The following ANO4 variants were observed in gnomAD, a reference collection of about 807,000 sequenced individuals.
The protein encoded by ANO4 is anoctamin 4, also known as anoctamin-4.
A neutral mutation model predicts 141.9 loss-of-function variants in ANO4; 69 were observed. The ratio of observed to expected loss-of-function variants is 0.49; its 90% CI spans 0.40 to 0.59. The LOEUF is 0.59. ANO4 is among the 20% of genes least tolerant of loss of function. ANO4 has a pLI of 0.00. For missense variants in ANO4, 894 were observed against 1,162.2 expected (o/e 0.77, Z 3.36); for synonymous variants, 350 against 394.3 (o/e 0.89, Z 1.33).
At chr12:100,727,745 C>G (rs1480441222) in intron 1 of ANO4, among the ~76,000 whole-genome samples, 1 of 151,500 alleles carries the variant, frequency 6.6e-6, no homozygotes, top group Non-Finnish European at 1.5e-5. Flanking sequence ...ATGACTTTCC[C>G]CCTCATTTAT....
intron 8 of ANO4, among the ~76,000 whole-genome samples, 184 bp downstream of exon 8, chr12:100,987,854 C>T (rs1341073275): frequency 2.0e-5 from 3 of 152,182 alleles, no homozygotes; most frequent in Non-Finnish European, 4.4e-5. Context: ...CTGTAACCAA[C>T]AATCCCTGCA....
intron 22 of ANO4, among the ~76,000 whole-genome samples, chr12:101,103,179 CATTTTATATATATATATATATATATAT>C (rs1377094180): frequency 1.4e-5 from 1 of 70,274 alleles, no homozygotes; most frequent in African/African-American, 6.8e-5. Flanking sequence ...CCTTTTTAGT[CATTTTATATATATATATATATATATAT>C]ATATATATAT....
intron 1 of ANO4, among the ~76,000 whole-genome samples, chr12:100,719,468 T>C (rs1182098804): frequency 1.3e-5 from 2 of 152,218 alleles, no homozygotes; most frequent in African/African-American, 4.8e-5. Flanking sequence ...TCCGCAAATC[T>C]TCTCTTTGAC....
At chr12:100,830,469 C>T (rs2036575794) in intron 1 of ANO4, among the ~76,000 whole-genome samples, 2 of 151,986 alleles carry the variant, frequency 1.3e-5, no homozygotes, top group South Asian at 2.1e-4. Flanking sequence ...CCAGTGTATT[C>T]GTTGAGTAAG....
chr12:100,724,475 C>T (rs2031016114), intron 1 of ANO4, among the ~76,000 whole-genome samples: 1 of 152,172 alleles, frequency 6.6e-6, no homozygotes, highest in Non-Finnish European at 1.5e-5. Flanking sequence ...ATTACTACTT[C>T]AACTAGTATC....
chr12:100,961,866 T>G (rs2043440409), intron 5 of ANO4, among the ~76,000 whole-genome samples: 1 of 152,188 alleles, frequency 6.6e-6, no homozygotes, highest in Non-Finnish European at 1.5e-5. Context: ...ATTTGGGGGT[T>G]ATTAGTTGCT....
intron 9 of ANO4, among the ~76,000 whole-genome samples, chr12:101,033,133 A>G (rs930475075): frequency 4.6e-5 from 7 of 152,232 alleles, no homozygotes; most frequent in Admixed American, 3.9e-4. Flanking sequence ...AATACTATGC[A>G]GCCATAAAAA....
chr12:100,879,864 G>A (rs1477268942), intron 1 of ANO4, among the ~76,000 whole-genome samples: 2 of 152,170 alleles, frequency 1.3e-5, no homozygotes, highest in South Asian at 2.1e-4. Flanking sequence ...TGGGATACAG[G>A]TTATAATAGA....
chr12:101,106,573 G>GTATATATATATA (rs56808655), intron 22 of ANO4, among the ~76,000 whole-genome samples: 22 of 138,610 alleles, frequency 1.6e-4, no homozygotes, highest in Non-Finnish European at 2.4e-4. Flanking sequence ...GTGTGTGTGT[G>GTATATATATATA]TATATATATA....
intron 9 of ANO4, among the ~76,000 whole-genome samples, chr12:101,025,768 T>G (rs1211645074): frequency 6.6e-6 from 1 of 152,216 alleles, no homozygotes; most frequent in Non-Finnish European, 1.5e-5. Flanking sequence ...CAAGGTTGGC[T>G]TAGTATATGA....
intron 2 of ANO4, among the ~76,000 whole-genome samples, chr12:100,917,519 A>G (rs965494163): frequency 6.6e-6 from 1 of 152,216 alleles, no homozygotes; most frequent in African/African-American, 2.4e-5. Context: ...TAGGCATAGT[A>G]CATTTTTTAC....
chr12:100,882,360 C>G (rs2039612053), intron 1 of ANO4, among the ~76,000 whole-genome samples: 1 of 152,146 alleles, frequency 6.6e-6, no homozygotes, highest in Non-Finnish European at 1.5e-5. Flanking sequence ...TTGTGAATAA[C>G]CAGCATCTTT....
intron 3 of ANO4, among the ~76,000 whole-genome samples, chr12:100,930,977 C>T (rs568713031): frequency 6.6e-6 from 1 of 152,234 alleles, no homozygotes; most frequent in East Asian, 1.9e-4. Context: ...TTGAAAACTG[C>T]TGGCCTATTA....
chr12:101,022,316 T>C (rs2046566668), intron 9 of ANO4, among the ~76,000 whole-genome samples: 1 of 152,164 alleles, frequency 6.6e-6, no homozygotes, highest in African/African-American at 2.4e-5. Context: ...CATTCCAGCT[T>C]GAATGAATTC....
intron 3 of ANO4, among the ~76,000 whole-genome samples, chr12:100,762,073 G>A (rs1359257934): frequency 2.0e-5 from 3 of 152,160 alleles, no homozygotes; most frequent in African/African-American, 7.2e-5. Flanking sequence ...AACAAAAGTA[G>A]TAGAAACCTT....
chr12:101,011,365 A>C (rs2046087247), intron 8 of ANO4, among the ~76,000 whole-genome samples: 1 of 143,440 alleles, frequency 7.0e-6, no homozygotes, highest in African/African-American at 2.6e-5. Context: ...TGTCTGGCTG[A>C]AACTTATTCA....
chr12:101,027,480 T>C (rs1371953498), intron 9 of ANO4, among the ~76,000 whole-genome samples: 8 of 152,206 alleles, frequency 5.3e-5, no homozygotes, highest in Non-Finnish European at 1.0e-4. Context: ...GGGGAAAGGA[T>C]GGCATCCATC....
chr12:100,764,362 G>A (rs1167747545), intron 3 of ANO4, among the ~76,000 whole-genome samples: 1 of 152,276 alleles, frequency 6.6e-6, no homozygotes, highest in Non-Finnish European at 1.5e-5. Context: ...TTGCTCTGCC[G>A]TCAGGACATC....
intron 5 of ANO4, among the ~76,000 whole-genome samples, chr12:100,958,199 G>A (rs2043255870): frequency 6.6e-6 from 1 of 152,152 alleles, no homozygotes; most frequent in South Asian, 2.1e-4. Flanking sequence ...TAATGTTGCT[G>A]GAAAAAACAT....
Sources: gnomAD v4.1 joint callset for allele counts (sites outside exome capture counted in the v4.1 genomes callset) on GRCh38, gnomAD v4.1.1 for gene constraint, MANE v1.5 for transcripts, NCBI Gene and HGNC (gene_info 2026-07-23, HGNC 2026-07-21) for gene names.